The following FHAD1 variants were observed in gnomAD, a reference collection of about 807,000 sequenced individuals.
FHAD1 encodes the protein forkhead associated phosphopeptide binding domain 1.
FHAD1 carries 146 observed loss-of-function variants against 191.3 expected under a neutral mutation model. The observed-to-expected ratio is 0.76, with a 90% CI of 0.67 to 0.88. FHAD1 has a LOEUF of 0.88. FHAD1 is among the 40% of genes least tolerant of loss of function. The pLI is 0.00. For synonymous variants in FHAD1, 616 were observed against 672.3 expected (o/e 0.92, Z 1.29); for missense variants, 1,635 against 1,785.8 (o/e 0.92, Z 1.52).
At chr1:15,272,556 G>T in intron 3 of FHAD1, 27 bp downstream of exon 3, 1 of 1,530,150 alleles carries the variant, frequency 6.5e-7, no homozygotes, top group Non-Finnish European at 8.8e-7. Flanking sequence ...GGGGGATAGA[G>T]GGGCCATGTC....
Position 15,362,643 on chromosome 1 carries a change from C to G in FHAD1, c.2964C>G (p.Ala988=). 1 of 1,551,372 alleles carries G rather than the reference C, an allele frequency of 6.4e-7. No individual in the cohort carries two copies. The highest frequency in any genetic ancestry group is 8.7e-7 in the Non-Finnish European group (1 of 1,146,648). The part of the protein sequence containing the change: ...EIATLKDNDP[A]PKEERPQDPL... ...TGATCACATGTCCCTCTGATACAGC[C>G]CCAAAGGAGGAAAGGCCGCAAGACC... Residue 988 remains alanine (A), a splice_region_variant and synonymous_variant, in exon 23 of 34, where the codon GCC becomes GCG. Transcript: ENST00000688493.
chr1:15,305,026 T>G (rs1156707233), intron 6 of FHAD1, among the ~76,000 whole-genome samples: 1 of 152,200 alleles, frequency 6.6e-6, no homozygotes, highest in African/African-American at 2.4e-5. Flanking sequence ...TTAACAGGGA[T>G]TCTTGCACTC....
chr1:15,303,240 TG>T lies in FHAD1; in HGVS notation c.915+1800del, dbSNP rs1669380590. On this transcript the variant is annotated intron_variant, in intron 6 of 33. Coordinates refer to ENST00000688493, the MANE Select transcript of FHAD1 (RefSeq NM_001391957.1). ...TGAGGCAGTGACCCTCCTTCAGACC[TG>T]TTTTTGAAAGAGCAATGAAAGGAGC... Among the ~76,000 whole-genome samples, 3 of 152,206 alleles carry T rather than the reference TG, an allele frequency of 2.0e-5. No homozygotes were observed. In the South Asian group the frequency reaches 6.2e-4, roughly 31 times the overall value.
chr1:15,308,648 G>A lies in FHAD1; in HGVS notation c.951G>A (p.Leu317=). 6.4e-7 allele frequency: 1 copy of A among 1,551,758 alleles called. No homozygotes were observed. Among genetic ancestry groups the A allele is most frequent in the Non-Finnish European group, 8.7e-7 (1 of 1,147,000 alleles). The change falls in exon 7 of 34, where the codon CTG becomes CTA. Residue 317 remains leucine (L), a synonymous_variant. Coordinates refer to ENST00000688493, the MANE Select transcript of FHAD1 (RefSeq NM_001391957.1). The stretch of plus-strand genomic sequence containing the variant: ...TACAGAAAGGCTACAGCAAGGTGCT[G>A]TGCCAGACCCTGTCAGAGCGGAACT... ...SALQKGYSKV[L]CQTLSERNSE... is the part of the protein sequence containing the mutation.
At chr1:15,288,776 C>T (rs1009593336) in intron 3 of FHAD1, among the ~76,000 whole-genome samples, 4 of 152,192 alleles carry the variant, frequency 2.6e-5, no homozygotes. Context: ...TTGTTCTTGC[C>T]TGGCCTGTGT....
intron 15 of FHAD1, among the ~76,000 whole-genome samples, chr1:15,340,614 T>A (rs1326443891): frequency 6.6e-6 from 1 of 152,134 alleles, no homozygotes; most frequent in African/African-American, 2.4e-5. Flanking sequence ...GTCACATGGC[T>A]GAGTTCAGTG....
chr1:15,362,374 G>A (rs1468137248), intron 22 of FHAD1, among the ~76,000 whole-genome samples: 1 of 152,212 alleles, frequency 6.6e-6, no homozygotes, highest in African/African-American at 2.4e-5. Flanking sequence ...CAAGTGGGTC[G>A]CCGGCAGCTT....
intron 10 of FHAD1, among the ~76,000 whole-genome samples, chr1:15,321,018 T>C (rs1402741500): frequency 6.6e-6 from 1 of 152,204 alleles, no homozygotes; most frequent in Non-Finnish European, 1.5e-5. Context: ...CACTGCAACC[T>C]CCACCTCCTG....
At chr1:15,370,126 A>G (rs1199825747) in intron 26 of FHAD1, among the ~76,000 whole-genome samples, 1 of 151,842 alleles carries the variant, frequency 6.6e-6, no homozygotes, top group Non-Finnish European at 1.5e-5. Context: ...ACAGACGCAC[A>G]CCACCACACC....
rs561087233 is a variant in FHAD1 at position 15,345,643 on chromosome 1, G to A, written c.2346+120G>A. 86 of 801,164 alleles carry A rather than the reference G, an allele frequency of 1.1e-4. 1 individual carries two copies. The South Asian group carries it at 1.1e-3, about 10-fold the overall frequency. 49.6% of individuals were successfully genotyped at this position (801,164 alleles called of 1,614,324 possible). A position where few individuals can be genotyped will look rare whatever the true frequency, so the allele number is the denominator to read the frequency against. On this transcript the variant is annotated intron_variant, in intron 18 of 33. Transcript: ENST00000688493. ...GTGGAGCCTTCCTCGTGGAGTTTGC[G>A]TTTGGGTGGGCTCAGCTACTTTGGG... is the stretch of plus-strand genomic sequence containing the variant.
intron 2 of FHAD1, among the ~76,000 whole-genome samples, chr1:15,271,185 T>C (rs7542094): frequency 0.61 from 87,279 of 143,978 alleles, 26,809 homozygotes; most frequent in East Asian, 0.83. Context: ...TGGTAGCACA[T>C]GCCTGTAGTC....
Position 15,311,945 on chromosome 1 carries a change from G to C in FHAD1, c.1040-1112G>C, listed in dbSNP as rs141789076. 2.0e-5 allele frequency among the ~76,000 whole-genome samples: 3 copies of C among 152,196 alleles called. No homozygotes were observed. Among genetic ancestry groups the C allele is most frequent in the Non-Finnish European group, 2.9e-5 (2 of 68,036 alleles). On this transcript the variant is annotated intron_variant, in intron 7 of 33. Coordinates refer to ENST00000688493, the MANE Select transcript of FHAD1 (RefSeq NM_001391957.1). The surrounding 1 kb of genome is among the most constrained non-coding windows in gnomAD (Gnocchi z 4.1). The stretch of plus-strand genomic sequence containing the variant: ...GTCATCTAAAGCCCGACTAGGGCTC[G>C]AGGATCCCCTTCTGGAATGACTCGC...
intron 2 of FHAD1, among the ~76,000 whole-genome samples, chr1:15,271,984 G>C (rs575994173): frequency 6.6e-6 from 1 of 152,242 alleles, no homozygotes; most frequent in African/African-American, 2.4e-5. Flanking sequence ...AAAACAAAAA[G>C]AAAAGAAAAT....
At chr1:15,237,906 T>A (rs1031265618) in intron 1 of FHAD1, among the ~76,000 whole-genome samples, 1 of 151,928 alleles carries the variant, frequency 6.6e-6, no homozygotes, top group African/African-American at 2.4e-5. Context: ...GAAAGGAAGA[T>A]CAGCAGCGAG....
At chr1:15,369,980 A>G (rs1697621859) in intron 26 of FHAD1, among the ~76,000 whole-genome samples, 1 of 152,132 alleles carries the variant, frequency 6.6e-6, no homozygotes, top group Admixed American at 6.5e-5. Context: ...TTATTCATTC[A>G]TTCATTTATT....
chr1:15,364,498 T>C (rs1366672002), intron 23 of FHAD1, among the ~76,000 whole-genome samples: 2 of 152,058 alleles, frequency 1.3e-5, no homozygotes, highest in Non-Finnish European at 2.9e-5. Flanking sequence ...TAGTCCCAGC[T>C]ACTTGGGAGG....
chr1:15,293,494 C>T (rs515511), intron 4 of FHAD1, among the ~76,000 whole-genome samples: 41,049 of 152,036 alleles, frequency 0.27, 6,826 homozygotes, highest in East Asian at 0.68. Context: ...CCAAGGAGGG[C>T]GAATCACAAG....
At chr1:15,251,699 T>C (rs1622686) in intron 1 of FHAD1, 72 bp from the exon 2 acceptor site, 519,999 of 1,181,156 alleles carry the variant, frequency 0.44, 117,896 homozygotes, top group African/African-American at 0.67. Flanking sequence ...TTCATTCATT[T>C]TAAGTATGAT....
chr1:15,259,329 C>A (rs1276972040), intron 2 of FHAD1, among the ~76,000 whole-genome samples: 3 of 152,148 alleles, frequency 2.0e-5, no homozygotes, highest in Non-Finnish European at 4.4e-5. Flanking sequence ...CAGGCGAGAA[C>A]TACTATTATC....
Sources: gnomAD v4.1 joint callset for allele counts (sites outside exome capture counted in the v4.1 genomes callset) on GRCh38, gnomAD v4.1.1 for gene constraint, Gnocchi (gnomAD v3.1) non-coding constraint, MANE v1.5 for transcripts, NCBI Gene and HGNC (gene_info 2026-07-23, HGNC 2026-07-21) for gene names.